The following SOX6 variants were observed in gnomAD, a reference collection of about 807,000 sequenced individuals.
SOX6 encodes SRY-box transcription factor 6, also known as transcription factor SOX-6.
SOX6 carries 11 observed loss-of-function variants against 97.8 expected under a neutral mutation model. The ratio of observed to expected loss-of-function variants is 0.11; its 90% CI spans 0.07 to 0.19. The LOEUF is 0.19. Among genes scored for constraint, SOX6 ranks in the 10% least tolerant of loss-of-function variants. The pLI, the probability that SOX6 is intolerant of heterozygous loss-of-function variation, is 1.00. For synonymous variants in SOX6, 360 were observed against 371.4 expected (o/e 0.97, Z 0.35); for missense variants, 810 against 1,039.5 (o/e 0.78, Z 3.04).
intron 4 of SOX6, among the ~76,000 whole-genome samples, chr11:16,508,502 T>C (rs1860825261): frequency 6.6e-6 from 1 of 151,726 alleles, no homozygotes; most frequent in South Asian, 2.1e-4. Context: ...TATTTGGCCA[T>C]AAAAAAAATA....
chr11:16,499,465 G>T (rs966512753), intron 4 of SOX6, among the ~76,000 whole-genome samples: 4 of 152,144 alleles, frequency 2.6e-5, no homozygotes, highest in African/African-American at 9.7e-5. Flanking sequence ...GATCAGAGCA[G>T]AACTGAAAGA....
At chr11:16,321,923 T>C (rs911776561) in intron 2 of SOX6, among the ~76,000 whole-genome samples, 6 of 152,172 alleles carry the variant, frequency 3.9e-5, no homozygotes, top group Non-Finnish European at 7.4e-5. Flanking sequence ...AGTGGAAGTC[T>C]GTAAGCAATT....
chr11:16,580,306 A>AGC (rs1848020657), intron 4 of SOX6, among the ~76,000 whole-genome samples: 1 of 152,164 alleles, frequency 6.6e-6, no homozygotes, highest in Non-Finnish European at 1.5e-5. Context: ...AGACTCTATT[A>AGC]ATGAGCAAGA....
intron 3 of SOX6, among the ~76,000 whole-genome samples, chr11:16,665,448 C>CTGCT (rs2134021303): frequency 6.6e-6 from 1 of 152,306 alleles, no homozygotes; most frequent in South Asian, 2.1e-4. Flanking sequence ...AAAAACTCCT[C>CTGCT]TGCTTGTGGA....
intron 9 of SOX6, among the ~76,000 whole-genome samples, chr11:16,076,735 ATTTTTTTTTTTTTTTTTT>A (rs1156737950): frequency 1.1e-5 from 1 of 94,134 alleles, no homozygotes; most frequent in Non-Finnish European, 1.9e-5. Flanking sequence ...GGTACTACAC[ATTTTTTTTTTTTTTTTTT>A]TTTTTTTTTT....
chr11:16,262,584 A>G (rs1470407444), intron 3 of SOX6, among the ~76,000 whole-genome samples: 1 of 152,024 alleles, frequency 6.6e-6, no homozygotes, highest in Non-Finnish European at 1.5e-5. Context: ...ATACCAATAA[A>G]CTGTCACAAG....
At chr11:16,604,088 A>G (rs1848303864) in intron 4 of SOX6, among the ~76,000 whole-genome samples, 1 of 152,372 alleles carries the variant, frequency 6.6e-6, no homozygotes, top group Middle Eastern at 3.4e-3. Context: ...GCAACTGTTC[A>G]AAACAAAATG....
At chr11:16,698,656 G>A (rs1848070927) in intron 3 of SOX6, among the ~76,000 whole-genome samples, 1 of 152,192 alleles carries the variant, frequency 6.6e-6, no homozygotes. Context: ...GAAAGTGAGA[G>A]ACAACTCTTC....
chr11:16,277,233 T>A (rs1430490826), intron 3 of SOX6, among the ~76,000 whole-genome samples: 3 of 152,048 alleles, frequency 2.0e-5, no homozygotes, highest in Non-Finnish European at 4.4e-5. Context: ...TTAGATGAGA[T>A]CATGAAGGTG....
intron 1 of SOX6, among the ~76,000 whole-genome samples, chr11:16,429,387 G>T (rs1047854131): frequency 2.6e-5 from 4 of 152,150 alleles, no homozygotes; most frequent in Admixed American, 6.5e-5. Flanking sequence ...TATGTTCATT[G>T]CAGCACTATT....
At chr11:16,515,182 A>G (rs1345989250) in intron 4 of SOX6, among the ~76,000 whole-genome samples, 166 of 151,644 alleles carry the variant, frequency 1.1e-3, no homozygotes, top group African/African-American at 3.5e-3. Context: ...AAGTGTTCCT[A>G]TTTCTCCACA....
chr11:16,261,331 C>A (rs1249302910), intron 3 of SOX6, among the ~76,000 whole-genome samples: 1 of 152,076 alleles, frequency 6.6e-6, no homozygotes, highest in African/African-American at 2.4e-5. Context: ...ATCCTTAGAA[C>A]AATCAAATAA....
At chr11:16,291,584 T>C (rs1030070697) in intron 3 of SOX6, among the ~76,000 whole-genome samples, 3 of 151,940 alleles carry the variant, frequency 2.0e-5, no homozygotes, top group African/African-American at 7.2e-5. Context: ...TTTACCATAA[T>C]ATAGGACCTA....
At chr11:16,001,283 A>G (rs1564901426) in intron 13 of SOX6, among the ~76,000 whole-genome samples, 1 of 152,202 alleles carries the variant, frequency 6.6e-6, no homozygotes, top group South Asian at 2.1e-4. Context: ...GTGCTAAGTA[A>G]CTTTGCATAA....
intron 4 of SOX6, among the ~76,000 whole-genome samples, chr11:16,557,460 C>T (rs921425981): frequency 3.3e-5 from 5 of 151,792 alleles, no homozygotes; most frequent in South Asian, 4.1e-4. Flanking sequence ...ATGTCCTCCC[C>T]GGATAGTCCC....
intron 4 of SOX6, among the ~76,000 whole-genome samples, chr11:16,491,498 C>CTG (rs200379983): frequency 0.22 from 33,083 of 151,528 alleles, 4,006 homozygotes; most frequent in East Asian, 0.5. Flanking sequence ...TTCCAACAGT[C>CTG]TATGTGTGTG....
intron 1 of SOX6, among the ~76,000 whole-genome samples, chr11:16,437,964 A>T (rs1357905261): frequency 6.6e-6 from 1 of 151,984 alleles, no homozygotes; most frequent in Non-Finnish European, 1.5e-5. Context: ...CTTTTTCTTA[A>T]CTATAGCCAT....
chr11:16,510,735 A>G (rs947862887), intron 4 of SOX6, among the ~76,000 whole-genome samples: 8 of 152,064 alleles, frequency 5.3e-5, no homozygotes, highest in Non-Finnish European at 8.8e-5. Context: ...TGAGCTTACT[A>G]CATTGTCATA....
intron 12 of SOX6, among the ~76,000 whole-genome samples, chr11:16,045,580 C>G (rs1244430471): frequency 6.6e-6 from 1 of 152,136 alleles, no homozygotes; most frequent in Non-Finnish European, 1.5e-5. Context: ...TAATAATAAG[C>G]TCTGCCCAGC....
Sources: allele counts gnomAD v4.1 joint callset (sites outside exome capture counted in the v4.1 genomes callset), GRCh38; gene constraint gnomAD v4.1.1; transcripts MANE v1.5; gene names NCBI Gene and HGNC (gene_info 2026-07-23, HGNC 2026-07-21).